FLACC1: variants seen among roughly 807,000 people sequenced by gnomAD.
FLACC1 encodes flagellum-associated coiled-coil domain-containing protein 1.
A neutral mutation model predicts 62.8 loss-of-function variants in FLACC1; 66 were observed. The observed-to-expected ratio is 1.05, with a 90% CI of 0.86 to 1.29. The LOEUF (loss-of-function observed/expected upper bound fraction) is 1.29. FLACC1 is among the 50% of genes most tolerant of loss of function. The pLI, the probability that FLACC1 is intolerant of heterozygous loss-of-function variation, is 0.00. For missense variants in FLACC1, 452 were observed against 489.1 expected (o/e 0.92, Z 0.71); for synonymous variants, 156 against 161.0 (o/e 0.97, Z 0.24).
At chr2:201,328,234 C>T (rs1950531818) in intron 9 of FLACC1, among the ~76,000 whole-genome samples, 1 of 151,838 alleles carries the variant, frequency 6.6e-6, no homozygotes, top group Non-Finnish European at 1.5e-5. Flanking sequence ...ATGATGGGTG[C>T]ACTAAAGTCT....
chr2:201,291,308 G>C (rs542401379), intron 12 of FLACC1, among the ~76,000 whole-genome samples: 303 of 152,266 alleles, frequency 2.0e-3, no homozygotes, highest in Middle Eastern at 6.8e-3. Context: ...CACACGGCTG[G>C]GTACTCCTCT....
At chr2:201,308,124 A>G (rs934562906) in intron 10 of FLACC1, among the ~76,000 whole-genome samples, 1 of 152,154 alleles carries the variant, frequency 6.6e-6, no homozygotes, top group East Asian at 1.9e-4. Flanking sequence ...CAGTGTTGCA[A>G]TTCTGGGGAT....
At chr2:201,302,482 G>A (rs1048330774) in intron 11 of FLACC1, among the ~76,000 whole-genome samples, 6 of 152,060 alleles carry the variant, frequency 3.9e-5, no homozygotes, top group Non-Finnish European at 1.5e-5. Context: ...AATAATAATG[G>A]GAGACTTTAA....
intron 7 of FLACC1, among the ~76,000 whole-genome samples, chr2:201,335,540 T>C (rs6716325): frequency 0.085 from 12,875 of 152,224 alleles, 643 homozygotes; most frequent in African/African-American, 0.12. Context: ...TTGGTCTATG[T>C]GTCTGTTTTT....
chr2:201,334,618 T>C (rs897246167), intron 7 of FLACC1, among the ~76,000 whole-genome samples: 3 of 151,954 alleles, frequency 2.0e-5, no homozygotes, highest in Non-Finnish European at 4.4e-5. Context: ...ACCCCATCTC[T>C]ACTAAAAATA....
upstream of FLACC1, among the ~76,000 whole-genome samples, chr2:201,361,495 G>A (rs756335499): frequency 3.5e-4 from 53 of 152,150 alleles, no homozygotes; most frequent in Non-Finnish European, 1.3e-4. Flanking sequence ...ACAGGTATTC[G>A]CATACAGGAA....
intron 8 of FLACC1, 92 bp from the exon 9 acceptor site, chr2:201,330,614 C>G: frequency 6.6e-7 from 1 of 1,525,732 alleles, no homozygotes; most frequent in East Asian, 2.3e-5. Context: ...ACCTTCCCCA[C>G]CCCAAACTCA....
chr2:201,304,151 C>A (rs1379726220), intron 11 of FLACC1, among the ~76,000 whole-genome samples: 1 of 152,214 alleles, frequency 6.6e-6, no homozygotes, highest in African/African-American at 2.4e-5. Context: ...TCCCTGTTTG[C>A]AGATGACATG....
chr2:201,324,336 C>T (rs900955655), intron 9 of FLACC1, among the ~76,000 whole-genome samples: 1 of 152,156 alleles, frequency 6.6e-6, no homozygotes, highest in Non-Finnish European at 1.5e-5. Context: ...GCATCTAACA[C>T]TGGAGCTTGC....
In FLACC1 at chr2:201,346,990, G is replaced by T. The variant is rs1442216138; in HGVS notation, c.235-315C>A. Among the ~76,000 whole-genome samples the T allele has an allele frequency of 6.6e-6, 1 of 152,154 alleles. No individual in the cohort carries two copies. Among genetic ancestry groups the T allele is most frequent in the Non-Finnish European group, 1.5e-5 (1 of 68,038 alleles). ...GGAGGTGGGCATGCGGCAACTGCTC[G>T]GGTTTTGGAATCACAGAGGCCTGAG... On this transcript the variant is annotated intron_variant, in intron 4 of 14. Coordinates refer to ENST00000392257, the MANE Select transcript of FLACC1 (RefSeq NM_001127391.3). The surrounding 1 kb of genome is among the most constrained non-coding windows in gnomAD (Gnocchi z 4.0).
intron 7 of FLACC1, among the ~76,000 whole-genome samples, chr2:201,340,447 T>C (rs753018546): frequency 2.6e-5 from 4 of 152,212 alleles, no homozygotes; most frequent in Non-Finnish European, 4.4e-5. Context: ...GAATATCTTG[T>C]TCTTGTAATA....
intron 11 of FLACC1, among the ~76,000 whole-genome samples, chr2:201,301,735 G>C (rs555647710): frequency 6.6e-6 from 1 of 152,106 alleles, no homozygotes; most frequent in African/African-American, 2.4e-5. Flanking sequence ...TGGATCTCTC[G>C]GCAGAAACTC....
At chr2:201,343,536 C>T (rs543837504) in intron 6 of FLACC1, among the ~76,000 whole-genome samples, 3 of 152,262 alleles carry the variant, frequency 2.0e-5, no homozygotes, top group African/African-American at 7.2e-5. Flanking sequence ...GAGAGGCTGC[C>T]TTCTGGGAAG....
rs1951024343 is a variant in FLACC1, at chr2:201,351,353, C to T, written c.52G>A (p.Gly18Arg). The change falls in exon 2 of 15, where the codon GGA becomes AGA. Residue 18 changes from glycine (G) to arginine (R), a missense_variant. By Grantham distance (125) the Gly-to-Arg change is moderately radical. Coordinates refer to ENST00000392257, the MANE Select transcript of FLACC1 (RefSeq NM_001127391.3). The stretch of plus-strand genomic sequence containing the variant: ...GGGGTCTTGATTAGCTTCCGTGGTC[C>T]CAAGTTCCAGGGGTCCCAGCAGGTG... ...YCTCWDPWNL[G>R]PRKLIKTPQL... 1 of 1,614,028 alleles carries T rather than the reference C, an allele frequency of 6.2e-7. No homozygotes were observed.
chr2:201,292,325 C>T (rs1474107649), intron 12 of FLACC1, among the ~76,000 whole-genome samples: 1 of 152,234 alleles, frequency 6.6e-6, no homozygotes, highest in Non-Finnish European at 1.5e-5. Context: ...AACAGCAGAT[C>T]TGTCAGCAGA....
intron 9 of FLACC1, among the ~76,000 whole-genome samples, chr2:201,330,185 T>C (rs1950564051): frequency 6.6e-6 from 1 of 152,156 alleles, no homozygotes. Context: ...TGTCTTTGGG[T>C]GGTGATATTT....
intron 9 of FLACC1, 41 bp downstream of exon 9, chr2:201,330,429 C>T (rs771084287): frequency 5.8e-6 from 9 of 1,563,198 alleles, no homozygotes; most frequent in Non-Finnish European, 7.9e-6. Context: ...AGGAATGAGC[C>T]TTCCTTCTCT....
chr2:201,293,617 G>A (rs1010621531), intron 12 of FLACC1, among the ~76,000 whole-genome samples: 2 of 151,920 alleles, frequency 1.3e-5, no homozygotes, highest in African/African-American at 4.8e-5. Flanking sequence ...AAGAACTAGA[G>A]AAGCAAGAGC....
intron 12 of FLACC1, among the ~76,000 whole-genome samples, chr2:201,296,240 T>C (rs1949858224): frequency 6.6e-6 from 1 of 151,992 alleles, no homozygotes. Flanking sequence ...CTACTCACAA[T>C]AGCAAAGACT....
Sources: gnomAD v4.1 joint callset for allele counts (sites outside exome capture counted in the v4.1 genomes callset) on GRCh38, gnomAD v4.1.1 for gene constraint, Gnocchi (gnomAD v3.1) non-coding constraint, MANE v1.5 for transcripts, NCBI Gene and HGNC (gene_info 2026-07-23, HGNC 2026-07-21) for gene names.